Variants in GRM7 observed in about 807,000 individuals in gnomAD.
GRM7 encodes the protein metabotropic glutamate receptor 7.
In GRM7, 35 loss-of-function variants were observed where a neutral mutation model predicts 84.5. That is an observed-to-expected ratio of 0.41 (90% confidence interval 0.32 to 0.55). The LOEUF (loss-of-function observed/expected upper bound fraction) is 0.55, where lower values mean the gene tolerates loss of function less well. GRM7 is among the 20% of genes least tolerant of loss of function. The pLI, the probability that GRM7 is intolerant of heterozygous loss-of-function variation, is 0.19. For synonymous variants in GRM7, 487 were observed against 455.1 expected (o/e 1.07, Z -0.89); for missense variants, 1,003 against 1,194.6 (o/e 0.84, Z 2.36).
At chr3:7,338,358 G>A (rs1385060377) in intron 4 of GRM7, among the ~76,000 whole-genome samples, 5 of 151,902 alleles carry the variant, frequency 3.3e-5, no homozygotes, top group Admixed American at 2.6e-4. Flanking sequence ...AGTGTGAGAG[G>A]GTAGTGAGTG....
chr3:7,298,570 T>C, intron 2 of GRM7, 114 bp from the exon 3 acceptor site: 1 of 821,186 alleles, frequency 1.2e-6, no homozygotes. Context: ...AGCAACAGCA[T>C]CAAGGAAGTA....
chr3:7,308,424 G>A (rs923341011), intron 4 of GRM7, among the ~76,000 whole-genome samples: 18 of 152,074 alleles, frequency 1.2e-4, no homozygotes, highest in African/African-American at 3.9e-4. Flanking sequence ...ATGCACCATC[G>A]TACCCCCAGC....
intron 1 of GRM7, among the ~76,000 whole-genome samples, chr3:6,882,122 G>T (rs1695535828): frequency 6.6e-6 from 1 of 151,986 alleles, no homozygotes; most frequent in South Asian, 2.1e-4. Context: ...ATTATTCCAA[G>T]ATCTCCAATT....
At chr3:7,237,017 T>C (rs578131619) in intron 2 of GRM7, among the ~76,000 whole-genome samples, 1 of 152,338 alleles carries the variant, frequency 6.6e-6, no homozygotes, top group South Asian at 2.1e-4. Context: ...TAAATACTTC[T>C]GTATATACAG....
At chr3:7,176,229 TAAAAAAAAAAAAAAAAAAA>T (rs55732650) in intron 2 of GRM7, among the ~76,000 whole-genome samples, 1 of 63,142 alleles carries the variant, frequency 1.6e-5, no homozygotes, top group Non-Finnish European at 2.8e-5. Context: ...CTATAAAAAG[TAAAAAAAAAAAAAAAAAAA>T]AAAAAAAAAA....
intron 4 of GRM7, among the ~76,000 whole-genome samples, chr3:7,402,321 C>A (rs1341069336): frequency 6.6e-6 from 1 of 152,120 alleles, no homozygotes; most frequent in Non-Finnish European, 1.5e-5. Context: ...TCCTAGAAAA[C>A]AAGATGTAGT....
intron 1 of GRM7, among the ~76,000 whole-genome samples, chr3:7,137,143 A>C (rs1693798405): frequency 2.0e-5 from 3 of 152,120 alleles, no homozygotes; most frequent in African/African-American, 7.2e-5. Context: ...ATGAATATTT[A>C]TGTCTCAAAG....
At chr3:7,583,498 G>A (rs1000470439) in intron 8 of GRM7, among the ~76,000 whole-genome samples, 4 of 152,296 alleles carry the variant, frequency 2.6e-5, no homozygotes, top group Admixed American at 1.3e-4. Context: ...TTAAAGCAAG[G>A]ACTATTAACA....
intron 5 of GRM7, among the ~76,000 whole-genome samples, chr3:7,445,298 G>C (rs1308800686): frequency 6.6e-6 from 1 of 152,178 alleles, no homozygotes; most frequent in East Asian, 1.9e-4. Context: ...TGTGGATAGG[G>C]AAGAAACCAT....
chr3:7,156,855 G>A (rs1694465813), intron 2 of GRM7, among the ~76,000 whole-genome samples: 3 of 151,656 alleles, frequency 2.0e-5, no homozygotes, highest in Admixed American at 1.3e-4. Flanking sequence ...TGTTTATTTA[G>A]TCTTCATTGG....
At chr3:6,977,578 C>T (rs899889036) in intron 1 of GRM7, among the ~76,000 whole-genome samples, 4 of 152,086 alleles carry the variant, frequency 2.6e-5, no homozygotes, top group African/African-American at 4.8e-5. Flanking sequence ...TCCCCATAAC[C>T]GAAAGCAAAA....
chr3:6,974,245 G>A (rs1011995758), intron 1 of GRM7, among the ~76,000 whole-genome samples: 6 of 152,098 alleles, frequency 3.9e-5, no homozygotes, highest in African/African-American at 1.4e-4. Context: ...GGGCCAGTGG[G>A]GGTAGCAACT....
At chr3:7,244,672 A>G (rs1258718262) in intron 2 of GRM7, among the ~76,000 whole-genome samples, 2 of 152,122 alleles carry the variant, frequency 1.3e-5, no homozygotes, top group East Asian at 1.9e-4. Flanking sequence ...TGACCTGTTC[A>G]TTATTTCACC....
intron 7 of GRM7, among the ~76,000 whole-genome samples, chr3:7,487,995 T>C (rs1332852759): frequency 6.6e-6 from 1 of 152,144 alleles, no homozygotes; most frequent in African/African-American, 2.4e-5. Context: ...TCCACACTTG[T>C]AGCAATGTGT....
intron 4 of GRM7, among the ~76,000 whole-genome samples, chr3:7,346,744 T>A (rs1692912235): frequency 6.6e-6 from 1 of 152,142 alleles, no homozygotes; most frequent in African/African-American, 2.4e-5. Flanking sequence ...ATATACGTGT[T>A]TTTAAAAAAT....
At chr3:7,583,780 T>G (rs986000261) in intron 8 of GRM7, among the ~76,000 whole-genome samples, 4 of 152,238 alleles carry the variant, frequency 2.6e-5, no homozygotes, top group African/African-American at 9.6e-5. Context: ...TATATTAGTT[T>G]ATGCTTCTGT....
At chr3:7,506,066 A>C (rs1700030991) in intron 7 of GRM7, among the ~76,000 whole-genome samples, 1 of 152,218 alleles carries the variant, frequency 6.6e-6, no homozygotes, top group Admixed American at 6.5e-5. Flanking sequence ...GGTTAAAAAT[A>C]GCCATTAAGC....
rs552504776 is a variant in GRM7 at position 6,913,540 on chromosome 3, CT to C, written c.519+51638del. Among the ~76,000 whole-genome samples, 63 of 152,228 alleles carry C rather than the reference CT, an allele frequency of 4.1e-4. No homozygotes were observed. In the South Asian group the frequency reaches 0.012, roughly 30 times the overall value. ...CCAATTTGATGTACTCTATTCTTAT[CT>C]TTTTCTAGTTCTTGGTTACGAAGTT... On this transcript the variant is annotated intron_variant, in intron 1 of 9. Transcript: ENST00000357716.
chr3:7,290,113 T>A (rs1699570989), intron 2 of GRM7, among the ~76,000 whole-genome samples: 1 of 152,166 alleles, frequency 6.6e-6, no homozygotes, highest in Non-Finnish European at 1.5e-5. Context: ...GCCTGAAATA[T>A]GAAAGTTGCT....
Sources: allele counts gnomAD v4.1 joint callset (sites outside exome capture counted in the v4.1 genomes callset), GRCh38; gene constraint gnomAD v4.1.1; transcripts MANE v1.5; gene names NCBI Gene and HGNC (gene_info 2026-07-23, HGNC 2026-07-21).